Variants in EDARADD observed in about 807,000 individuals in gnomAD.
EDARADD encodes the protein ectodysplasin-A receptor-associated adapter protein.
Under a neutral mutation model 25.6 loss-of-function variants are expected in EDARADD, and 20 were observed. That is an observed-to-expected ratio of 0.78 (90% CI 0.55 to 1.14). EDARADD has a LOEUF of 1.14. Ranked by LOEUF, EDARADD falls within the 50% of genes most tolerant of loss-of-function variation. The probability of loss-of-function intolerance (pLI) is 0.00; values close to 1 mark genes in which losing one functional copy is unlikely to be tolerated. For synonymous variants in EDARADD, 86 were observed against 94.4 expected, an observed-to-expected ratio of 0.91 and a Z score of 0.52; for missense variants, 225 against 270.1, an observed-to-expected ratio of 0.83 and a Z score of 1.17.
chr1:236,447,408 C>T (rs1232562644), intron 4 of EDARADD, among the ~76,000 whole-genome samples: 2 of 151,944 alleles, frequency 1.3e-5, no homozygotes, highest in East Asian at 1.9e-4. Flanking sequence ...AGGCACGTGC[C>T]GCCACGCCTG....
chr1:236,480,132 T>TAAAGA (rs1659631721), intron 5 of EDARADD, among the ~76,000 whole-genome samples: 1 of 136,196 alleles, frequency 7.3e-6, no homozygotes, highest in Admixed American at 7.5e-5. Context: ...TATATATATA[T>TAAAGA]ATATCACATT....
At chr1:236,360,761 G>T (rs1242528071) in intron 3 of EDARADD, among the ~76,000 whole-genome samples, 3 of 151,920 alleles carry the variant, frequency 2.0e-5, no homozygotes, top group African/African-American at 7.3e-5. Flanking sequence ...TGCCCAGGGT[G>T]GTCTCAAACT....
In EDARADD at chr1:236,429,105, G is replaced by T. The variant is rs1324693013; in HGVS notation, c.219+1655G>T. Among the ~76,000 whole-genome samples the T allele has an allele frequency of 3.9e-5, 6 of 152,176 alleles. No homozygotes were observed. In the East Asian group the frequency reaches 1.2e-3, roughly 29 times the overall value. On this transcript the variant is annotated intron_variant, in intron 4 of 5. Coordinates refer to ENST00000334232, the MANE Select transcript of EDARADD (RefSeq NM_145861.4). ...GCATCGGTACAGTCCAGCCTCGGCT[G>T]GGCATCAGAGGGAGACCGTGCAAAG...
chr1:236,447,711 A>T (rs1208569088), intron 4 of EDARADD, among the ~76,000 whole-genome samples: 1 of 151,166 alleles, frequency 6.6e-6, no homozygotes, highest in Non-Finnish European at 1.5e-5. Context: ...AGTGCCTATT[A>T]GTTAGTGGCC....
At chr1:236,462,938 A>G (rs56288431) in intron 4 of EDARADD, among the ~76,000 whole-genome samples, 4,882 of 152,338 alleles carry the variant, frequency 0.032, 145 homozygotes, top group South Asian at 0.14. Flanking sequence ...CACCTCGCCA[A>G]TTAAATAAAT....
chr1:236,438,178 G>T (rs1384278326), intron 4 of EDARADD, among the ~76,000 whole-genome samples: 1 of 152,020 alleles, frequency 6.6e-6, no homozygotes, highest in African/African-American at 2.4e-5. Context: ...ATTGAGTTAG[G>T]GCCCACCCCA....
intron 3 of EDARADD, among the ~76,000 whole-genome samples, chr1:236,367,868 G>A (rs1255494411): frequency 6.6e-6 from 1 of 152,132 alleles, no homozygotes. Context: ...TAGCACTTTG[G>A]GAGGCAGATG....
chr1:236,403,090 GGATTAC>G (rs1454323876), intron 1 of EDARADD, among the ~76,000 whole-genome samples: 1 of 152,022 alleles, frequency 6.6e-6, no homozygotes, highest in Non-Finnish European at 1.5e-5. Context: ...CCAGTAGCTG[GGATTAC>G]AAGCATGTGC....
intron 3 of EDARADD, among the ~76,000 whole-genome samples, chr1:236,381,476 T>G (rs1359700732): frequency 6.6e-6 from 1 of 152,152 alleles, no homozygotes; most frequent in East Asian, 1.9e-4. Flanking sequence ...TCAGAGTGTA[T>G]TTTTAAGTGA....
chr1:236,462,455 T>C (rs1036136533), intron 4 of EDARADD, among the ~76,000 whole-genome samples: 1 of 152,120 alleles, frequency 6.6e-6, no homozygotes, highest in African/African-American at 2.4e-5. Context: ...TGGCCTCTCC[T>C]CATTTTTATT....
Position 236,483,974 on chromosome 1 carries a change from C to A in EDARADD, c.*1325C>A, listed in dbSNP as rs1234390569. The A allele has an allele frequency of 7.3e-7, 1 of 1,365,474 alleles. No individual in the cohort carries two copies. Among genetic ancestry groups the A allele is most frequent in the Non-Finnish European group, 1.0e-6 (1 of 955,702 alleles). 84.6% of individuals were successfully genotyped at this position (1,365,474 alleles called of 1,614,324 possible). A position where few individuals can be genotyped will look rare whatever the true frequency, so the allele number is the denominator to read the frequency against. On this transcript the variant is annotated 3_prime_UTR_variant, in exon 6 of 6. Transcript: ENST00000334232. ...AGTTTCTCGACGACCCCACCAGGTA[C>A]ATCTCACCTGACTGTCTGGCTGACC...
At chr1:236,410,724 C>A (rs1657444171) in intron 2 of EDARADD, among the ~76,000 whole-genome samples, 3 of 152,204 alleles carry the variant, frequency 2.0e-5, no homozygotes, top group Non-Finnish European at 4.4e-5. Flanking sequence ...TTTTGGTTAA[C>A]TGATTTAGTT....
chr1:236,469,024 C>G (rs902402665), intron 5 of EDARADD, among the ~76,000 whole-genome samples: 9 of 152,142 alleles, frequency 5.9e-5, no homozygotes, highest in Non-Finnish European at 1.3e-4. Flanking sequence ...AGGTGTTAGT[C>G]CCTCTCCTTT....
upstream of EDARADD, among the ~76,000 whole-genome samples, chr1:236,390,699 G>A (rs1185725756): frequency 1.3e-5 from 2 of 152,146 alleles, no homozygotes; most frequent in African/African-American, 2.4e-5. Context: ...GGATTAAAGG[G>A]TCTCTCCCTG....
chr1:236,419,839 T>G (rs1657735753), intron 3 of EDARADD, among the ~76,000 whole-genome samples: 1 of 152,214 alleles, frequency 6.6e-6, no homozygotes, highest in Admixed American at 6.5e-5. Context: ...TGAATATACA[T>G]GGTCCCTTAT....
intron 4 of EDARADD, among the ~76,000 whole-genome samples, chr1:236,428,377 C>T: frequency 6.6e-6 from 1 of 152,216 alleles, no homozygotes; most frequent in East Asian, 1.9e-4. Context: ...CTTCTTTCCA[C>T]ACAGACGCAG....
intron 4 of EDARADD, among the ~76,000 whole-genome samples, chr1:236,447,033 G>A (rs893397471): frequency 1.3e-5 from 2 of 152,182 alleles, no homozygotes; most frequent in Non-Finnish European, 2.9e-5. Flanking sequence ...GGGCAGGGCA[G>A]GTCACCAGTG....
upstream of EDARADD, among the ~76,000 whole-genome samples, chr1:236,390,983 T>G (rs1434347268): frequency 3.3e-5 from 4 of 121,412 alleles, no homozygotes; most frequent in African/African-American, 1.1e-4. Flanking sequence ...AGTCTCACTC[T>G]GTCGCCAGGC....
Position 236,484,513 on chromosome 1 carries a change from A to G in EDARADD, c.*1864A>G. On this transcript the variant is annotated 3_prime_UTR_variant, in exon 6 of 6. Coordinates refer to ENST00000334232, the MANE Select transcript of EDARADD (RefSeq NM_145861.4). The surrounding 1 kb of genome is among the most constrained non-coding windows in gnomAD (Gnocchi z 4.1). Reference sequence around the variant, plus strand: ...CTTCAGTCACCTGGTGGCTAATTAGACCCCTCCCCTTGTGTCAACTCCGGC... The same window carrying G: ...CTTCAGTCACCTGGTGGCTAATTAGGCCCCTCCCCTTGTGTCAACTCCGGC... 6.7e-7 allele frequency: 1 copy of G among 1,502,140 alleles called. No individual in the cohort carries two copies. The highest frequency in any genetic ancestry group is 1.1e-5 in the South Asian group (1 of 88,080). 93.1% of individuals were successfully genotyped at this position (1,502,140 alleles called of 1,614,324 possible).
Sources: allele counts gnomAD v4.1 joint callset (sites outside exome capture counted in the v4.1 genomes callset), GRCh38; gene constraint gnomAD v4.1.1; non-coding constraint Gnocchi (gnomAD v3.1); transcripts MANE v1.5; gene names NCBI Gene and HGNC (gene_info 2026-07-23, HGNC 2026-07-21).